FOXP1: variants seen among roughly 807,000 people sequenced by gnomAD.
FOXP1 encodes forkhead box P1, also known as forkhead box protein P1.
In FOXP1, 15 loss-of-function variants were observed where a neutral mutation model predicts 98.2. The ratio of observed to expected loss-of-function variants is 0.15; its 90% CI spans 0.10 to 0.24. FOXP1 has a LOEUF of 0.24. Among genes scored for constraint, FOXP1 ranks in the 10% least tolerant of loss-of-function variants. FOXP1 has a pLI of 1.00. For synonymous variants in FOXP1, 371 were observed against 314.5 expected (o/e 1.18, Z -1.90); for missense variants, 633 against 848.5 (o/e 0.75, Z 3.15).
Position 71,305,184 on chromosome 3 carries a change from C to A in FOXP1, c.-72-5304G>T, listed in dbSNP as rs140567673. ...AATATGGTGCTTTCTAAAGACAGTA[C>A]GGGAACAAAAAATAGCAAGACCCCA... On this transcript the variant is annotated intron_variant, in intron 4 of 20. Transcript: ENST00000649528. 5.3e-3 allele frequency among the ~76,000 whole-genome samples: 805 copies of A among 152,142 alleles called. 9 individuals are homozygous for A. Among genetic ancestry groups the A allele is most frequent in the African/African-American group, 0.019 (782 of 41,512 alleles).
At chr3:71,577,755 T>C (rs114611672) in intron 2 of FOXP1, among the ~76,000 whole-genome samples, 1 of 152,048 alleles carries the variant, frequency 6.6e-6, no homozygotes, top group Non-Finnish European at 1.5e-5. Context: ...AACTCAATGT[T>C]TGATCACCTG....
At position 71,583,629 on chromosome 3, in the gene FOXP1, G is replaced by GCCCACTCCCGCCCGCGCGCGCA. The variant is rs950223643; in HGVS notation, c.-527_-506dup. On this transcript the variant is annotated 5_prime_UTR_variant, in exon 1 of 21. Transcript: ENST00000649528. ...TGTTTTCGGGCCTTTCCCCGCGCGC[G>GCCCACTCCCGCCCGCGCGCGCA]CCCACTCCCGCCCGCGCGCGCACCC... is the stretch of plus-strand genomic sequence containing the variant. 1 of 983,312 alleles carries GCCCACTCCCGCCCGCGCGCGCA rather than the reference G, an allele frequency of 1.0e-6. No individual in the cohort carries two copies. The highest frequency in any genetic ancestry group is 4.7e-5 in the South Asian group (1 of 21,202). The allele number at this position is 983,312 out of a possible 1,614,324, so 60.9% of individuals were successfully genotyped here.
At chr3:71,566,662 T>C (rs2046937048) in intron 2 of FOXP1, among the ~76,000 whole-genome samples, 1 of 152,172 alleles carries the variant, frequency 6.6e-6, no homozygotes, top group Admixed American at 6.5e-5. Context: ...AACTTATTTT[T>C]CCTTCCTTTC....
intron 6 of FOXP1, among the ~76,000 whole-genome samples, chr3:71,174,785 TACACACACACACACACACACACAC>T (rs3064896): frequency 7.6e-6 from 1 of 131,678 alleles, no homozygotes; most frequent in African/African-American, 2.8e-5. Flanking sequence ...TGCACATGCA[TACACACACACACACACACACACAC>T]ACACACACAC....
At chr3:71,506,816 C>G (rs536710510) in intron 2 of FOXP1, among the ~76,000 whole-genome samples, 3 of 152,226 alleles carry the variant, frequency 2.0e-5, no homozygotes, top group Non-Finnish European at 4.4e-5. Flanking sequence ...CTGGGTTCAG[C>G]TCCCAACGTT....
At chr3:71,113,813 C>A (rs1261160643) in intron 6 of FOXP1, among the ~76,000 whole-genome samples, 1 of 150,848 alleles carries the variant, frequency 6.6e-6, no homozygotes, top group South Asian at 2.1e-4. Context: ...GCCATGAAGA[C>A]ATTCACTGCC....
intron 5 of FOXP1, among the ~76,000 whole-genome samples, chr3:71,251,725 A>G (rs2068204404): frequency 6.6e-6 from 1 of 152,222 alleles, no homozygotes; most frequent in African/African-American, 2.4e-5. Flanking sequence ...AGTTACCCAC[A>G]CTGTCTTGAT....
intron 2 of FOXP1, among the ~76,000 whole-genome samples, chr3:71,500,016 C>T (rs6549395): frequency 0.28 from 42,093 of 152,104 alleles, 6,245 homozygotes; most frequent in Non-Finnish European, 0.33. Flanking sequence ...TGGTAAAAAA[C>T]GGTCACCAGA....
At chr3:71,039,627 A>G (rs1318004324) in intron 11 of FOXP1, among the ~76,000 whole-genome samples, 2 of 152,126 alleles carry the variant, frequency 1.3e-5, no homozygotes, top group Non-Finnish European at 2.9e-5. Flanking sequence ...TGCTCTGCCT[A>G]TGGATAAAGA....
intron 2 of FOXP1, among the ~76,000 whole-genome samples, chr3:71,506,179 C>T (rs1295705341): frequency 2.6e-5 from 4 of 152,170 alleles, no homozygotes; most frequent in African/African-American, 4.8e-5. Context: ...AGCCTTAGTT[C>T]GCAGTTGGCT....
At chr3:70,961,166 T>C (rs1276374247) in intron 20 of FOXP1, among the ~76,000 whole-genome samples, 1 of 151,892 alleles carries the variant, frequency 6.6e-6, no homozygotes, top group Non-Finnish European at 1.5e-5. Context: ...TTAAAAACTT[T>C]GCAAAACAAA....
chr3:71,433,264 T>C (rs902723158), intron 3 of FOXP1, among the ~76,000 whole-genome samples: 1 of 152,194 alleles, frequency 6.6e-6, no homozygotes, highest in African/African-American at 2.4e-5. Context: ...CAGCCTGAAC[T>C]ACCCCCAACC....
chr3:71,006,912 T>C (rs906645690), intron 12 of FOXP1, among the ~76,000 whole-genome samples: 3 of 152,158 alleles, frequency 2.0e-5, no homozygotes, highest in South Asian at 4.1e-4. Context: ...TGCGTTCAAA[T>C]GTTATTTGCT....
At chr3:71,395,210 A>T (rs939991433) in intron 3 of FOXP1, among the ~76,000 whole-genome samples, 19 of 150,824 alleles carry the variant, frequency 1.3e-4, no homozygotes, top group African/African-American at 4.7e-4. Flanking sequence ...TATTTGGCTC[A>T]TGACTGAACA....
intron 5 of FOXP1, among the ~76,000 whole-genome samples, chr3:71,288,802 A>G (rs896055645): frequency 3.3e-5 from 5 of 152,202 alleles, no homozygotes; most frequent in South Asian, 2.1e-4. Context: ...CTGAACAATT[A>G]CTATTCCTGG....
intron 11 of FOXP1, among the ~76,000 whole-genome samples, chr3:71,026,805 C>T (rs948734471): frequency 9.2e-5 from 14 of 152,210 alleles, no homozygotes; most frequent in African/African-American, 1.4e-4. Context: ...AGCAGGAGAA[C>T]GGAGCAGAGA....
chr3:71,416,177 C>T (rs550317784), intron 3 of FOXP1, among the ~76,000 whole-genome samples: 2 of 151,984 alleles, frequency 1.3e-5, no homozygotes, highest in South Asian at 2.1e-4. Context: ...TGTATAAAAC[C>T]GAAAGGGATG....
chr3:71,459,846 T>C (rs1560515651), intron 3 of FOXP1, among the ~76,000 whole-genome samples: 1 of 152,238 alleles, frequency 6.6e-6, no homozygotes, highest in Non-Finnish European at 1.5e-5. Flanking sequence ...TTTGTTTCTT[T>C]TTTTATAGTA....
intron 7 of FOXP1, among the ~76,000 whole-genome samples, chr3:71,101,720 A>C (rs1212816711): frequency 6.6e-6 from 1 of 151,968 alleles, no homozygotes; most frequent in African/African-American, 2.4e-5. Context: ...AGCAGGCACA[A>C]TATTCTGAGT....
Sources: allele counts gnomAD v4.1 joint callset (sites outside exome capture counted in the v4.1 genomes callset), GRCh38; gene constraint gnomAD v4.1.1; transcripts MANE v1.5; gene names NCBI Gene and HGNC (gene_info 2026-07-23, HGNC 2026-07-21).